KIFC3: variants seen among roughly 807,000 people sequenced by gnomAD.
KIFC3 encodes kinesin-like protein KIFC3.
KIFC3 carries 60 observed loss-of-function variants against 101.8 expected under a neutral mutation model. That is an observed-to-expected ratio of 0.59 (90% confidence interval 0.48 to 0.73). The LOEUF is 0.73. KIFC3 is among the 30% of genes least tolerant of loss of function. The probability of loss-of-function intolerance (pLI) is 0.00; values close to 1 mark genes in which losing one functional copy is unlikely to be tolerated. For synonymous variants in KIFC3, 476 were observed against 482.7 expected, an observed-to-expected ratio of 0.99 and a Z score of 0.18; for missense variants, 966 against 1,137.1, an observed-to-expected ratio of 0.85 and a Z score of 2.16.
At chr16:57,801,875 C>A (rs1207975240) in intron 1 of KIFC3, among the ~76,000 whole-genome samples, 1 of 152,262 alleles carries the variant, frequency 6.6e-6, no homozygotes, top group South Asian at 2.1e-4. Context: ...TTCCTCACTG[C>A]CCGGAGGGCA....
At chr16:57,859,297 C>T (rs898389114) in intron 1 of KIFC3, among the ~76,000 whole-genome samples, 3 of 152,130 alleles carry the variant, frequency 2.0e-5, no homozygotes, top group African/African-American at 7.2e-5. Flanking sequence ...CCAGAAATGT[C>T]TACGCTAAAG....
intron 1 of KIFC3, among the ~76,000 whole-genome samples, chr16:57,817,454 G>T (rs2055253967): frequency 2.0e-5 from 3 of 152,134 alleles, no homozygotes; most frequent in Admixed American, 6.5e-5. Flanking sequence ...CATGGTGTCA[G>T]TGGGGCCACA....
chr16:57,832,030 G>T (rs2055590288), intron 1 of KIFC3, among the ~76,000 whole-genome samples: 4 of 151,540 alleles, frequency 2.6e-5, no homozygotes, highest in Admixed American at 2.6e-4. Context: ...TTTTGTTTTT[G>T]TTTTTTTTAA....
intron 10 of KIFC3, 126 bp downstream of exon 10, chr16:57,766,748 T>C: frequency 8.0e-6 from 5 of 626,938 alleles, no homozygotes; most frequent in Admixed American, 5.7e-5. Flanking sequence ...TCTGTGCCTC[T>C]GTTTCCTTAT....
chr16:57,760,599 C>T, intron 16 of KIFC3, 127 bp downstream of exon 16: 1 of 1,083,020 alleles, frequency 9.2e-7, no homozygotes, highest in Non-Finnish European at 1.4e-6. Context: ...CTGGGAGTTA[C>T]ACAGGGTGTG....
At chr16:57,803,090 A>T (rs1051492954), upstream of KIFC3, 1 of 1,479,714 alleles carries the variant, frequency 6.8e-7, no homozygotes, top group Non-Finnish European at 9.1e-7. Flanking sequence ...TTCTAGCCAC[A>T]GCACTTCCTA....
chr16:57,784,648 C>A (rs941701333), intron 3 of KIFC3, among the ~76,000 whole-genome samples: 41 of 152,130 alleles, frequency 2.7e-4, no homozygotes, highest in African/African-American at 9.9e-4. Flanking sequence ...GCCCAACAGC[C>A]AGGCCAGGGC....
chr16:57,846,755 G>C (rs1483758852), intron 1 of KIFC3, among the ~76,000 whole-genome samples: 4 of 152,206 alleles, frequency 2.6e-5, no homozygotes, highest in Non-Finnish European at 5.9e-5. Flanking sequence ...AAACACTCAC[G>C]TATTGGGTTT....
At chr16:57,761,235 C>G in intron 14 of KIFC3, 64 bp from the exon 15 acceptor site, 1 of 1,600,014 alleles carries the variant, frequency 6.2e-7, no homozygotes, top group Non-Finnish European at 8.5e-7. Context: ...GTCACCTGGC[C>G]CCAAGCACCC....
At chr16:57,761,896 C>T (rs571058037) in intron 13 of KIFC3, among the ~76,000 whole-genome samples, 13 of 151,950 alleles carry the variant, frequency 8.6e-5, no homozygotes, top group East Asian at 5.8e-4. Context: ...GGTCCCTTGA[C>T]GGCCTCATCT....
Position 57,790,009 on chromosome 16 carries a change from T to C in KIFC3, c.315+4990A>G, listed in dbSNP as rs887383577. 2.0e-5 allele frequency among the ~76,000 whole-genome samples: 3 copies of C among 151,820 alleles called. No homozygotes were observed. The East Asian group carries it at 5.8e-4, about 29-fold the overall frequency. On this transcript the variant is annotated intron_variant, in intron 3 of 19. Transcript: ENST00000445690. ...GCCTCGACCTCTCAAAGTGCTGGGA[T>C]TACAGGCATGAGCCACTGCGCCTGG...
Position 57,770,700 on chromosome 16 carries a change from A to G in KIFC3, c.766T>C (p.Tyr256His), listed in dbSNP as rs1555607418. The G allele has an allele frequency of 1.4e-6, 2 of 1,475,000 alleles. No homozygotes were observed. The highest frequency in any genetic ancestry group is 2.8e-5 in the South Asian group (2 of 71,672). The allele number at this position is 1,475,000 out of a possible 1,614,324, so 91.4% of individuals were successfully genotyped here. A position where few individuals can be genotyped will look rare whatever the true frequency, so the allele number is the denominator to read the frequency against. The change falls in exon 7 of 20, where the codon TAT becomes CAT. Residue 256 changes from tyrosine to histidine, a missense_variant and splice_region_variant. By Grantham distance (83) the Tyr-to-His change is moderately conservative. Coordinates refer to ENST00000445690, the MANE Select transcript of KIFC3 (RefSeq NM_001130100.2). Reference protein sequence around the residue: ...SLRAQSPPVKYVIKTVEVESS... With the variant: ...SLRAQSPPVKHVIKTVEVESS... ...TCCACCTCCACTGTCTTGATGACAT[A>G]CTGCAGGGTGAGGGAGGAATGGCAC... is the stretch of plus-strand genomic sequence containing the variant.
chr16:57,758,401 G>A lies in KIFC3; in HGVS notation c.*533C>T, dbSNP rs1427089481. The stretch of plus-strand genomic sequence containing the variant: ...TAAACACAGCACGGCCCCGTGGCGG[G>A]AGGCCATGCGCCTCCGCACACCCCC... On this transcript the variant is annotated 3_prime_UTR_variant, in exon 20 of 20. Transcript: ENST00000445690. 2 of 351,810 alleles carry A rather than the reference G, an allele frequency of 5.7e-6. No homozygotes were observed. The highest frequency in any genetic ancestry group is 1.0e-3 in the Middle Eastern group (1 of 990). 21.8% of individuals were successfully genotyped at this position (351,810 alleles called of 1,614,324 possible).
chr16:57,814,425 GGGTAA>G (rs1555628372), intron 1 of KIFC3, among the ~76,000 whole-genome samples: 1 of 152,126 alleles, frequency 6.6e-6, no homozygotes, highest in Non-Finnish European at 1.5e-5. Context: ...GTGTGACTTA[GGGTAA>G]GTCTCTGAGC....
chr16:57,816,279 C>T (rs2055222042), intron 1 of KIFC3: 1 of 1,284,612 alleles, frequency 7.8e-7, no homozygotes, highest in Admixed American at 2.3e-5. Flanking sequence ...TGCCCCAAAC[C>T]CAGAAGCCTG....
intron 1 of KIFC3, among the ~76,000 whole-genome samples, chr16:57,825,676 GTTTGTT>G (rs1555630678): frequency 6.6e-6 from 1 of 151,930 alleles, no homozygotes; most frequent in Non-Finnish European, 1.5e-5. Flanking sequence ...TTTTTTGTTT[GTTTGTT>G]TTTGTTTTGT....
chr16:57,771,111 C>A, intron 6 of KIFC3, 87 bp downstream of exon 6: 3 of 1,519,020 alleles, frequency 2.0e-6, no homozygotes, highest in Non-Finnish European at 1.8e-6. Context: ...TACCTATTCA[C>A]CAGGACAAGC....
intron 13 of KIFC3, among the ~76,000 whole-genome samples, 164 bp downstream of exon 13, chr16:57,761,976 C>T (rs1179546601): frequency 1.1e-4 from 16 of 152,144 alleles, no homozygotes; most frequent in Admixed American, 1.0e-3. Flanking sequence ...GACCCCACTT[C>T]CTATCCCCCA....
At chr16:57,778,874 T>C (rs543370988) in intron 3 of KIFC3, among the ~76,000 whole-genome samples, 8 of 152,238 alleles carry the variant, frequency 5.3e-5, no homozygotes, top group Admixed American at 2.0e-4. Flanking sequence ...CACTGCACTC[T>C]AGTCTGGGCA....
Sources: allele counts gnomAD v4.1 joint callset (sites outside exome capture counted in the v4.1 genomes callset), GRCh38; gene constraint gnomAD v4.1.1; transcripts MANE v1.5; gene names NCBI Gene and HGNC (gene_info 2026-07-23, HGNC 2026-07-21).